The following NPIPA1 variants were observed in gnomAD, a reference collection of about 807,000 sequenced individuals.
NPIPA1 encodes the protein nuclear pore complex interacting protein family member A1.
For synonymous variants in NPIPA1, 7 were observed against 88.0 expected, an observed-to-expected ratio of 0.08 and a Z score of 5.15; for missense variants, 22 against 232.2, an observed-to-expected ratio of 0.09 and a Z score of 5.88.
intron 1 of NPIPA1, among the ~76,000 whole-genome samples, chr16:14,941,140 C>CA (rs1265141992): frequency 6.6e-6 from 1 of 151,302 alleles, no homozygotes; most frequent in Non-Finnish European, 1.5e-5. Context: ...AAACAACAAA[C>CA]AAAAACAAAA....
At chr16:14,947,334 G>A (rs16952979) in intron 4 of NPIPA1, among the ~76,000 whole-genome samples, 39 of 152,066 alleles carry the variant, frequency 2.6e-4, no homozygotes, top group Admixed American at 7.9e-4. Context: ...GGGGTCCTCC[G>A]TACAGGCTGC....
intron 4 of NPIPA1, among the ~76,000 whole-genome samples, chr16:14,947,112 G>A (rs1400298425): frequency 2.0e-5 from 3 of 152,246 alleles, no homozygotes; most frequent in Non-Finnish European, 4.4e-5. Context: ...ACCCAGCCTG[G>A]ATTGTTGAAC....
At chr16:14,943,250 G>C (rs1420086499) in intron 2 of NPIPA1, among the ~76,000 whole-genome samples, 3 of 151,370 alleles carry the variant, frequency 2.0e-5, no homozygotes, top group African/African-American at 7.3e-5. Flanking sequence ...TCCACCTCCT[G>C]GCTTCAAGTG....
intron 1 of NPIPA1, among the ~76,000 whole-genome samples, chr16:14,940,299 C>T (rs1965717645): frequency 6.9e-6 from 1 of 144,414 alleles, no homozygotes; most frequent in Non-Finnish European, 1.5e-5. Flanking sequence ...CTTTAAATGA[C>T]AAAGATTCAT....
chr16:14,941,205 A>G (rs1465202282), intron 1 of NPIPA1, among the ~76,000 whole-genome samples: 3 of 150,960 alleles, frequency 2.0e-5, no homozygotes, highest in Non-Finnish European at 4.4e-5. Flanking sequence ...TGGGAGGCCG[A>G]GGCAGGCAGA....
chr16:14,941,095 T>G (rs1379458157), intron 1 of NPIPA1, among the ~76,000 whole-genome samples: 50 of 151,108 alleles, frequency 3.3e-4, no homozygotes, highest in Admixed American at 7.3e-4. Context: ...ACCACTGCAC[T>G]CCAGCCTGGG....
intron 2 of NPIPA1, among the ~76,000 whole-genome samples, chr16:14,943,862 T>G (rs1783758338): frequency 1.3e-5 from 2 of 151,884 alleles, no homozygotes; most frequent in Non-Finnish European, 2.9e-5. Context: ...AAAGATATTA[T>G]TTCAGGCCAG....
intron 2 of NPIPA1, among the ~76,000 whole-genome samples, chr16:14,943,007 T>G (rs1170764412): frequency 6.6e-6 from 1 of 152,268 alleles, no homozygotes; most frequent in African/African-American, 2.4e-5. Flanking sequence ...CCTAGATAAT[T>G]ACACGTCATT....
chr16:14,938,629 G>A (rs1965681698), intron 1 of NPIPA1, among the ~76,000 whole-genome samples: 1 of 136,912 alleles, frequency 7.3e-6, no homozygotes, highest in African/African-American at 2.7e-5. Flanking sequence ...TTGGGCCCAG[G>A]AGCTGGACGT....
chr16:14,945,263 T>A (rs1233309088), intron 2 of NPIPA1, among the ~76,000 whole-genome samples: 1 of 146,014 alleles, frequency 6.8e-6, no homozygotes, highest in African/African-American at 2.6e-5. Context: ...TGTGTGTGTG[T>A]GTGTGAGACA....
At chr16:14,943,953 A>C (rs1405931475) in intron 2 of NPIPA1, among the ~76,000 whole-genome samples, 1 of 152,086 alleles carries the variant, frequency 6.6e-6, no homozygotes, top group Non-Finnish European at 1.5e-5. Flanking sequence ...GTTCAAGACC[A>C]GATGGGCCAA....
chr16:14,947,176 A>G (rs1030858547), intron 4 of NPIPA1, among the ~76,000 whole-genome samples: 2 of 152,370 alleles, frequency 1.3e-5, no homozygotes, highest in Admixed American at 1.3e-4. Flanking sequence ...TGTTTTGGTC[A>G]TACTACATTG....
intron 5 of NPIPA1, chr16:14,949,535 A>G (rs1264082021): frequency 1.0e-5 from 3 of 299,940 alleles, no homozygotes; most frequent in Non-Finnish European, 1.8e-5. Context: ...TCAGGCAGTA[A>G]GCAAGAGGAG....
intron 2 of NPIPA1, among the ~76,000 whole-genome samples, chr16:14,944,813 C>T (rs1274697568): frequency 6.6e-6 from 1 of 150,526 alleles, no homozygotes; most frequent in African/African-American, 2.4e-5. Context: ...ACCATGTTGC[C>T]CAGGATGGTC....
chr16:14,949,622 G>A, intron 5 of NPIPA1: 1 of 628,398 alleles, frequency 1.6e-6, no homozygotes, highest in Non-Finnish European at 2.6e-6. Context: ...TTCTGAGATG[G>A]AGTCTTGCTG....
At chr16:14,947,186 G>A (rs1450050320) in intron 4 of NPIPA1, among the ~76,000 whole-genome samples, 2 of 152,256 alleles carry the variant, frequency 1.3e-5, no homozygotes, top group Non-Finnish European at 2.9e-5. Context: ...ATACTACATT[G>A]TATTTTGCTG....
chr16:14,947,067 T>C (rs1200974813), intron 4 of NPIPA1, among the ~76,000 whole-genome samples: 1 of 152,180 alleles, frequency 6.6e-6, no homozygotes, highest in African/African-American at 2.4e-5. Context: ...CCTCAGGTGA[T>C]CTGCCTACCT....
intron 4 of NPIPA1, among the ~76,000 whole-genome samples, chr16:14,947,210 C>CT (rs1965911238): frequency 6.6e-6 from 1 of 152,370 alleles, no homozygotes; most frequent in Middle Eastern, 3.4e-3. Flanking sequence ...TATGACTGAT[C>CT]TTTTTTTGTT....
intron 2 of NPIPA1, among the ~76,000 whole-genome samples, chr16:14,942,600 G>A (rs1338990043): frequency 6.6e-6 from 1 of 152,170 alleles, no homozygotes; most frequent in African/African-American, 2.4e-5. Flanking sequence ...GGAAGGTGAA[G>A]GGCAGAACTG....
Sources: gnomAD v4.1 joint callset for allele counts (sites outside exome capture counted in the v4.1 genomes callset) on GRCh38, gnomAD v4.1.1 for gene constraint, MANE v1.5 for transcripts, NCBI Gene and HGNC (gene_info 2026-07-23, HGNC 2026-07-21) for gene names.